Variants in FBXL2 observed in about 807,000 individuals in gnomAD.
FBXL2 encodes F-box/LRR-repeat protein 2.
Under a neutral mutation model 69.2 loss-of-function variants are expected in FBXL2, and 38 were observed. The observed-to-expected ratio is 0.55, with a 90% confidence interval of 0.42 to 0.72. The LOEUF is 0.72. Among genes scored for constraint, FBXL2 ranks in the 30% least tolerant of loss-of-function variants. The pLI is 0.00. For synonymous variants in FBXL2, 192 were observed against 201.3 expected (o/e 0.95, Z 0.39); for missense variants, 354 against 520.3 (o/e 0.68, Z 3.11).
At chr3:33,381,017 T>C (rs2043017534) in intron 13 of FBXL2, among the ~76,000 whole-genome samples, 1 of 152,188 alleles carries the variant, frequency 6.6e-6, no homozygotes, top group Non-Finnish European at 1.5e-5. Context: ...GACTATTGAC[T>C]ACGTTGTTAG....
chr3:33,403,174 TTAAGTA>T (rs1404166218), intron 12 of FBXL2: 1 of 352,782 alleles, frequency 2.8e-6, no homozygotes. Flanking sequence ...AAATATATGC[TTAAGTA>T]TAATTGCTTT....
chr3:33,317,459 C>T (rs556022208), intron 2 of FBXL2: 139 of 456,548 alleles, frequency 3.0e-4, no homozygotes, highest in African/African-American at 2.3e-3. Flanking sequence ...CAACTACTGT[C>T]TCTCACCCCA....
At chr3:33,360,709 CCTAA>C (rs2041548140) in intron 4 of FBXL2, among the ~76,000 whole-genome samples, 1 of 152,068 alleles carries the variant, frequency 6.6e-6, no homozygotes, top group East Asian at 1.9e-4. Context: ...ACTGATCATA[CCTAA>C]CTCTTTGTTC....
At chr3:33,394,356 G>A (rs1470789544) in intron 12 of FBXL2, among the ~76,000 whole-genome samples, 1 of 152,022 alleles carries the variant, frequency 6.6e-6, no homozygotes, top group Non-Finnish European at 1.5e-5. Flanking sequence ...AAGCATTATA[G>A]TTTTTGATCC....
chr3:33,350,620 G>C (rs938232632), intron 2 of FBXL2, among the ~76,000 whole-genome samples: 1 of 151,914 alleles, frequency 6.6e-6, no homozygotes, highest in Non-Finnish European at 1.5e-5. Context: ...TTTTTTAGTA[G>C]AGATGGGGTT....
intron 13 of FBXL2, among the ~76,000 whole-genome samples, chr3:33,380,881 G>C (rs1475516952): frequency 6.6e-6 from 1 of 152,108 alleles, no homozygotes; most frequent in Non-Finnish European, 1.5e-5. Context: ...AGGAGAAAAG[G>C]CTTTAAGGCC....
At chr3:33,370,928 T>G (rs2042257470) in intron 5 of FBXL2, among the ~76,000 whole-genome samples, 1 of 151,624 alleles carries the variant, frequency 6.6e-6, no homozygotes, top group Non-Finnish European at 1.5e-5. Context: ...CAATTATTTC[T>G]TCAGTATTTT....
downstream of FBXL2, among the ~76,000 whole-genome samples, chr3:33,407,998 G>C (rs116634963): frequency 8.3e-3 from 1,260 of 152,254 alleles, 17 homozygotes; most frequent in African/African-American, 0.028. Context: ...TATTCAACCA[G>C]ATGCCCCCTG....
intron 12 of FBXL2, chr3:33,401,155 A>G (rs2044213942): frequency 1.4e-6 from 1 of 696,964 alleles, no homozygotes. Context: ...AAAGTCTGCA[A>G]CAAAATGCAA....
the FBXL2 span, among the ~76,000 whole-genome samples, chr3:33,421,803 C>T: frequency 6.6e-6 from 1 of 152,194 alleles, no homozygotes; most frequent in East Asian, 1.9e-4. Context: ...AATCCCAGCA[C>T]TTTGAGAGGC....
At chr3:33,334,116 T>G (rs2125834636) in intron 2 of FBXL2, among the ~76,000 whole-genome samples, 1 of 152,338 alleles carries the variant, frequency 6.6e-6, no homozygotes, top group Admixed American at 6.5e-5. Flanking sequence ...AAAATTATAC[T>G]ACATTCTTAA....
chr3:33,422,523 C>T, the FBXL2 span, among the ~76,000 whole-genome samples: 3 of 151,950 alleles, frequency 2.0e-5, no homozygotes, highest in Admixed American at 6.6e-5. Context: ...CGGAGATTAG[C>T]GTGGGCAATG....
rs1015787707 is a variant in FBXL2 at position 33,332,338 on chromosome 3, A to G, written c.66-26629A>G. Among the ~76,000 whole-genome samples the G allele has an allele frequency of 5.3e-5, 8 of 152,238 alleles. No homozygotes were observed. In the East Asian group the frequency reaches 1.2e-3, roughly 22 times the overall value. ...TGAAGATGAAATAAAAACCTTTTCC[A>G]TAATGGTACAGCCACTGCAGAAAAC... On this transcript the variant is annotated intron_variant, in intron 2 of 14. Transcript: ENST00000484457.
intron 2 of FBXL2, among the ~76,000 whole-genome samples, chr3:33,320,758 C>A (rs1017588089): frequency 6.6e-6 from 1 of 151,860 alleles, no homozygotes; most frequent in African/African-American, 2.4e-5. Context: ...GGATTACAGG[C>A]GTGAGCCACC....
At chr3:33,383,896 GAA>G in intron 13 of FBXL2, 91 bp from the exon 14 acceptor site, 1 of 1,212,714 alleles carries the variant, frequency 8.2e-7, no homozygotes, top group Non-Finnish European at 1.2e-6. Context: ...TCCCATTGCA[GAA>G]GGGCAAAAAG....
Position 33,357,585 on chromosome 3 carries a change from A to G in FBXL2, c.66-1382A>G, listed in dbSNP as rs1221613145. The stretch of plus-strand genomic sequence containing the variant: ...CTCGCTGTCGCCCAGGTTGGAGTGC[A>G]GTGGCGCTATCTCGGCTCACTGCAG... On this transcript the variant is annotated intron_variant, in intron 2 of 14. Coordinates refer to ENST00000484457, the MANE Select transcript of FBXL2 (RefSeq NM_012157.5). Among the ~76,000 whole-genome samples the G allele has an allele frequency of 5.2e-5, 7 of 135,030 alleles. No homozygotes were observed. In the Admixed American group the frequency reaches 5.9e-4, roughly 11 times the overall value. 88.6% of individuals were successfully genotyped at this position (135,030 alleles called of 152,430 possible).
At chr3:33,317,552 G>A (rs763645609) in intron 2 of FBXL2, 8 of 456,134 alleles carry the variant, frequency 1.8e-5, no homozygotes, top group Non-Finnish European at 3.1e-5. Flanking sequence ...TCATTGTTTT[G>A]TAGCAATGAT....
chr3:33,364,851 G>T, intron 5 of FBXL2, 132 bp downstream of exon 5: 1 of 811,966 alleles, frequency 1.2e-6, no homozygotes. Context: ...GTAATGAGAG[G>T]ACCAGGACTT....
At chr3:33,278,670 G>A (rs1318695136) in intron 1 of FBXL2, among the ~76,000 whole-genome samples, 1 of 152,200 alleles carries the variant, frequency 6.6e-6, no homozygotes, top group Non-Finnish European at 1.5e-5. Context: ...TTCCAAATGT[G>A]TGGCATTATT....
Sources: gnomAD v4.1 joint callset for allele counts (sites outside exome capture counted in the v4.1 genomes callset) on GRCh38, gnomAD v4.1.1 for gene constraint, MANE v1.5 for transcripts, NCBI Gene and HGNC (gene_info 2026-07-23, HGNC 2026-07-21) for gene names.